RIMS2: variants seen among roughly 807,000 people sequenced by gnomAD.
The protein encoded by RIMS2 is regulating synaptic membrane exocytosis protein 2.
A neutral mutation model predicts 174.4 loss-of-function variants in RIMS2; 59 were observed. The ratio of observed to expected loss-of-function variants is 0.34; its 90% CI spans 0.27 to 0.42. The LOEUF (loss-of-function observed/expected upper bound fraction) is 0.42, where lower values mean the gene tolerates loss of function less well. Ranked by LOEUF, RIMS2 falls within the 10% of genes least tolerant of loss-of-function variation. RIMS2 has a pLI of 1.00. For missense variants in RIMS2, 1,620 were observed against 1,666.3 expected, an observed-to-expected ratio of 0.97 and a Z score of 0.48; for synonymous variants, 606 against 572.5, an observed-to-expected ratio of 1.06 and a Z score of -0.84.
intron 13 of RIMS2, among the ~76,000 whole-genome samples, chr8:103,939,975 C>T (rs1446277870): frequency 6.6e-6 from 1 of 152,170 alleles, no homozygotes; most frequent in Non-Finnish European, 1.5e-5. Context: ...TGGGCAAAGT[C>T]ATTCAACAAG....
At chr8:103,789,805 G>A (rs1346869329) in intron 3 of RIMS2, among the ~76,000 whole-genome samples, 2 of 147,032 alleles carry the variant, frequency 1.4e-5, no homozygotes, top group Admixed American at 1.4e-4. Flanking sequence ...CCAGGCTGGA[G>A]GACGGTAGCA....
At chr8:103,969,190 A>G (rs923268483) in intron 15 of RIMS2, among the ~76,000 whole-genome samples, 1 of 151,530 alleles carries the variant, frequency 6.6e-6, no homozygotes, top group African/African-American at 2.4e-5. Flanking sequence ...CCTACTTGGT[A>G]TTCTCTGAGC....
intron 3 of RIMS2, among the ~76,000 whole-genome samples, chr8:103,868,718 T>G (rs373716673): frequency 6.6e-6 from 1 of 152,104 alleles, no homozygotes; most frequent in Admixed American, 6.5e-5. Context: ...TTATCACTTA[T>G]TAGAATATCA....
rs146893826 is a variant in RIMS2, at chr8:103,641,463, G to A, written c.177-55623G>A. ...ACTGTACTGATCTATCAAACACTAG[G>A]TCATATTTCTTGTCTAACTGTATGT... On this transcript the variant is annotated intron_variant, in intron 1 of 23. Coordinates refer to ENST00000504942, the Ensembl canonical transcript of RIMS2. Among the ~76,000 whole-genome samples, 396 of 152,110 alleles carry A rather than the reference G, an allele frequency of 2.6e-3. 2 individuals are homozygous for A. Among genetic ancestry groups the A allele is most frequent in the Non-Finnish European group, 4.2e-3 (287 of 67,972 alleles).
intron 19 of RIMS2, among the ~76,000 whole-genome samples, chr8:104,137,568 A>G (rs1599709259): frequency 6.6e-6 from 1 of 152,234 alleles, no homozygotes; most frequent in East Asian, 1.9e-4. Flanking sequence ...AATCATGTAT[A>G]TAATAAATAG....
At chr8:104,201,412 A>G (rs1039161769) in intron 19 of RIMS2, among the ~76,000 whole-genome samples, 46 of 152,206 alleles carry the variant, frequency 3.0e-4, no homozygotes, top group African/African-American at 1.1e-3. Context: ...AAGTCTCTTC[A>G]ATGAAATATA....
intron 2 of RIMS2, among the ~76,000 whole-genome samples, chr8:103,765,619 G>A (rs1394117191): frequency 6.6e-6 from 1 of 151,662 alleles, no homozygotes; most frequent in Non-Finnish European, 1.5e-5. Context: ...CTTTATTTTA[G>A]CCATTAGGTG....
At chr8:104,176,940 T>A (rs1028593141) in intron 19 of RIMS2, among the ~76,000 whole-genome samples, 11 of 152,022 alleles carry the variant, frequency 7.2e-5, no homozygotes. Context: ...ATTTGACATA[T>A]GTAAGAAAGT....
At chr8:103,614,913 T>G (rs1443202596) in intron 1 of RIMS2, among the ~76,000 whole-genome samples, 1 of 152,206 alleles carries the variant, frequency 6.6e-6, no homozygotes, top group Non-Finnish European at 1.5e-5. Flanking sequence ...TTGTGACACA[T>G]TTCTAACACA....
At chr8:104,084,232 G>A (rs1486484962) in intron 19 of RIMS2, among the ~76,000 whole-genome samples, 2 of 151,858 alleles carry the variant, frequency 1.3e-5, no homozygotes, top group Non-Finnish European at 2.9e-5. Context: ...CTTGACGTCA[G>A]GAGTTGAAGA....
At position 103,729,598 on chromosome 8, in the gene RIMS2, C is replaced by T. The variant is rs186882234; in HGVS notation, c.387+32302C>T. Among the ~76,000 whole-genome samples, 4 of 151,782 alleles carry T rather than the reference C, an allele frequency of 2.6e-5. No individual in the cohort carries two copies. In the East Asian group the frequency reaches 7.7e-4, roughly 29 times the overall value. On this transcript the variant is annotated intron_variant, in intron 2 of 23. Transcript: ENST00000504942. ...GCTATGATTTGTGTTATTACTTCTA[C>T]TTATTTTGGGTTTGGTTTTCTAGTT...
intron 1 of RIMS2, among the ~76,000 whole-genome samples, chr8:103,573,066 A>ATTT (rs35148115): frequency 6.7e-6 from 1 of 149,506 alleles, no homozygotes; most frequent in African/African-American, 2.5e-5. Context: ...CTTCAATCCA[A>ATTT]TTTTTTTTTT....
intron 1 of RIMS2, among the ~76,000 whole-genome samples, chr8:103,665,072 A>G (rs544992412): frequency 6.6e-6 from 1 of 152,344 alleles, no homozygotes; most frequent in South Asian, 2.1e-4. Flanking sequence ...TGGGAGTTGA[A>G]CAATGAGAAC....
At chr8:104,020,878 G>A (rs2096069090) in intron 19 of RIMS2, among the ~76,000 whole-genome samples, 1 of 151,934 alleles carries the variant, frequency 6.6e-6, no homozygotes, top group African/African-American at 2.4e-5. Context: ...ACTTAGATTT[G>A]ATTTTCCTAT....
intron 1 of RIMS2, among the ~76,000 whole-genome samples, chr8:103,596,243 CAT>C (rs1392521663): frequency 3.3e-5 from 5 of 151,976 alleles, no homozygotes; most frequent in Admixed American, 6.6e-5. Context: ...TATGTGTTTA[CAT>C]GTTATTCACT....
At chr8:104,069,050 T>A (rs192188274) in intron 19 of RIMS2, among the ~76,000 whole-genome samples, 1 of 152,336 alleles carries the variant, frequency 6.6e-6, no homozygotes, top group Non-Finnish European at 1.5e-5. Flanking sequence ...TTTAGGGTAG[T>A]GTAAAAGCAA....
At chr8:103,776,749 A>T (rs911597106) in intron 3 of RIMS2, among the ~76,000 whole-genome samples, 1 of 152,180 alleles carries the variant, frequency 6.6e-6, no homozygotes, top group South Asian at 2.1e-4. Flanking sequence ...AAGAAGCAAC[A>T]TCAATTTCAA....
At chr8:103,502,200 C>G (rs1241695731) in intron 1 of RIMS2, among the ~76,000 whole-genome samples, 2 of 152,114 alleles carry the variant, frequency 1.3e-5, no homozygotes, top group African/African-American at 4.8e-5. Context: ...TGTAGAGTTC[C>G]TCTGTGAAGG....
rs2096465982 is a variant in RIMS2, at chr8:103,652,336, G to A, written c.177-44750G>A. On this transcript the variant is annotated intron_variant, in intron 1 of 23. Coordinates refer to ENST00000504942, the Ensembl canonical transcript of RIMS2. ...TTACACTAATACTGGATAGGCTGCA[G>A]CTAGTGTGTCTTCTGCTTTCTGACT... 6.1e-6 allele frequency: 4 copies of A among 652,114 alleles called. No individual in the cohort carries two copies. The Admixed American group carries it at 6.6e-5, about 11-fold the overall frequency. 40.4% of individuals were successfully genotyped at this position (652,114 alleles called of 1,614,324 possible).
Sources: gnomAD v4.1 joint callset for allele counts (sites outside exome capture counted in the v4.1 genomes callset) on GRCh38, gnomAD v4.1.1 for gene constraint, MANE v1.5 for transcripts, NCBI Gene and HGNC (gene_info 2026-07-23, HGNC 2026-07-21) for gene names.